The following MIDN variants were observed in gnomAD, a reference collection of about 807,000 sequenced individuals.
MIDN encodes midbrain nucleolar protein.
MIDN carries 26 observed loss-of-function variants against 46.1 expected under a neutral mutation model. The ratio of observed to expected loss-of-function variants is 0.56; its 90% CI spans 0.41 to 0.78. The LOEUF (loss-of-function observed/expected upper bound fraction) is 0.78, where lower values mean the gene tolerates loss of function less well. Among genes scored for constraint, MIDN ranks in the 30% least tolerant of loss-of-function variants. The pLI is 0.00. For missense variants in MIDN, 850 were observed against 771.8 expected (o/e 1.10, Z -1.20); for synonymous variants, 432 against 343.3 (o/e 1.26, Z -2.86).
chr19:1,253,269 C>G (rs979397940), intron 4 of MIDN, among the ~76,000 whole-genome samples: 3 of 151,758 alleles, frequency 2.0e-5, no homozygotes, highest in Non-Finnish European at 4.4e-5. Context: ...GGGGGCTTCA[C>G]CCTGCCCTCC....
intron 3 of MIDN, 80 bp from the exon 4 acceptor site, chr19:1,251,759 C>A: frequency 6.5e-7 from 1 of 1,528,378 alleles, no homozygotes; most frequent in Non-Finnish European, 9.0e-7. Context: ...CCCCGCCAGC[C>A]AGCAGGGCCC....
chr19:1,253,511 C>T (rs1398654797), intron 4 of MIDN, among the ~76,000 whole-genome samples: 1 of 151,574 alleles, frequency 6.6e-6, no homozygotes, highest in African/African-American at 2.4e-5. Flanking sequence ...GAGATTCAAC[C>T]CACACCCACC....
At chr19:1,251,703 C>T (rs1599977258) in intron 3 of MIDN, 54 bp downstream of exon 3, 8 of 1,556,158 alleles carry the variant, frequency 5.1e-6, no homozygotes, top group South Asian at 1.1e-5. Flanking sequence ...CAGGCAGTAG[C>T]CCCTCCCTCG....
chr19:1,253,263 G>T (rs923660079), intron 4 of MIDN, among the ~76,000 whole-genome samples: 2 of 151,786 alleles, frequency 1.3e-5, no homozygotes, highest in African/African-American at 2.4e-5. Flanking sequence ...CAGGGTGGGG[G>T]CTTCACCCTG....
chr19:1,254,447 G>C lies in MIDN; in HGVS notation c.794G>C (p.Arg265Pro), dbSNP rs550865023. Residue 265 changes from arginine (R) to proline (P), a missense_variant, in exon 6 of 9, where the codon CGG (arginine) becomes CCG (proline). By Grantham distance (103) the Arg-to-Pro change is moderately radical. Transcript: ENST00000682408. ...SPSPITAGSF[R>P]SHAASTTCPE... ...TCGCCCATCACAGCCGGCTCCTTCC[G>C]GTCCCACGCAGCCTCCACCACCTGC... 2 of 1,563,404 alleles carry C rather than the reference G, an allele frequency of 1.3e-6. No individual in the cohort carries two copies. Among genetic ancestry groups the C allele is most frequent in the African/African-American group, 2.7e-5 (2 of 74,236 alleles).
Position 1,250,483 on chromosome 19 carries a change from C to A in MIDN, c.187C>A (p.Arg63Ser). ...GGGGCTGCGCAAGCGGTTGTCCCAG[C>A]GCCTCAAAGTGCCCAAGGAGCGCCT... ...VEGLRKRLSQRLKVPKERLAL... is the reference protein window; with the variant it reads ...VEGLRKRLSQSLKVPKERLAL... Residue 63 changes from arginine (R) to serine (S), a missense_variant, in exon 2 of 9, where the codon CGC becomes AGC. Arg to Ser is a moderately radical substitution (Grantham distance 110). Coordinates refer to ENST00000682408, the MANE Select transcript of MIDN (RefSeq NM_001388306.1). 7.3e-7 allele frequency: 1 copy of A among 1,368,222 alleles called. No homozygotes were observed. The highest frequency in any genetic ancestry group is 1.5e-5 in the African/African-American group (1 of 66,218). The allele number at this position is 1,368,222 out of a possible 1,614,324, so 84.8% of individuals were successfully genotyped here.
At chr19:1,254,588 A>G in intron 6 of MIDN, 110 bp downstream of exon 6, 3 of 1,176,448 alleles carry the variant, frequency 2.6e-6, no homozygotes, top group Non-Finnish European at 3.6e-6. Context: ...AGTCCCTTGT[A>G]TTAAGGGCTA....
chr19:1,251,751 C>T, intron 3 of MIDN, 88 bp from the exon 4 acceptor site: 3 of 1,533,070 alleles, frequency 2.0e-6, no homozygotes, highest in Non-Finnish European at 2.7e-6. Flanking sequence ...GGCCCCCACC[C>T]CGCCAGCCAG....
chr19:1,251,070 G>A (rs1405343375), intron 2 of MIDN, among the ~76,000 whole-genome samples: 5 of 151,906 alleles, frequency 3.3e-5, no homozygotes, highest in Admixed American at 6.5e-5. Flanking sequence ...AGGGGCGGAG[G>A]GGGAGGGTCT....
At chr19:1,249,081 C>T (rs951639391) in intron 1 of MIDN, among the ~76,000 whole-genome samples, 3 of 151,546 alleles carry the variant, frequency 2.0e-5, no homozygotes, top group Non-Finnish European at 4.4e-5. Context: ...CGGCAGAGGG[C>T]GCGCCCGAGC....
In MIDN at chr19:1,250,389, G is replaced by C. The variant is rs777300728; in HGVS notation, c.93G>C (p.Met31Ile). 1.5e-5 allele frequency: 19 copies of C among 1,261,686 alleles called. No individual in the cohort carries two copies. Among genetic ancestry groups the C allele is most frequent in the Admixed American group, 5.1e-5 (2 of 39,208 alleles). The allele number at this position is 1,261,686 out of a possible 1,614,324, so 78.2% of individuals were successfully genotyped here. A position where few individuals can be genotyped will look rare whatever the true frequency, so the allele number is the denominator to read the frequency against. ...GCCCGGCGGCCGAGGCGGCGCCCAT[G>C]AGCCTCGCCATCCACAGCACCACGG... ...ELGPAAEAAP[M>I]SLAIHSTTGT... Residue 31 changes from methionine (M) to isoleucine (I), a missense_variant, in exon 2 of 9, where the codon ATG becomes ATC. Coordinates refer to ENST00000682408, the MANE Select transcript of MIDN (RefSeq NM_001388306.1).
chr19:1,251,778 C>G (rs2145487430), intron 3 of MIDN, 61 bp from the exon 4 acceptor site: 2 of 1,567,710 alleles, frequency 1.3e-6, no homozygotes, highest in Non-Finnish European at 1.8e-6. Flanking sequence ...CCTCTCCACC[C>G]CCTATTCCAG....
chr19:1,257,186 G>A lies in MIDN; in HGVS notation c.1450G>A (p.Ala484Thr), dbSNP rs1568798157. 6.2e-7 allele frequency: 1 copy of A among 1,611,938 alleles called. No homozygotes were observed. The highest frequency in any genetic ancestry group is 1.1e-5 in the South Asian group (1 of 91,080). ...CGGGGGCGGCGGCAGCCCCAGCGAG[G>A]CCTCCGGCTTGGGCCTCGACTTCGA... ...SSGGGGSPSE[A>T]SGLGLDFEDS... The change falls in exon 9 of 9, where the codon GCC becomes ACC. Residue 484 changes from alanine to threonine, a missense_variant. Ala to Thr is a moderately conservative substitution (Grantham distance 58). Coordinates refer to ENST00000682408, the MANE Select transcript of MIDN (RefSeq NM_001388306.1).
chr19:1,256,670 T>C (rs112409894), intron 8 of MIDN, among the ~76,000 whole-genome samples: 1,651 of 152,160 alleles, frequency 0.011, 38 homozygotes, highest in African/African-American at 0.038. Flanking sequence ...AACACCACCA[T>C]GCCCAGCTAA....
At chr19:1,253,252 G>T (rs370692046) in intron 4 of MIDN, among the ~76,000 whole-genome samples, 10 of 151,734 alleles carry the variant, frequency 6.6e-5, no homozygotes, top group Admixed American at 6.6e-4. Context: ...AGGCTGGGCC[G>T]CAGGGTGGGG....
intron 3 of MIDN, 76 bp downstream of exon 3, chr19:1,251,725 CA>C: frequency 5.9e-6 from 9 of 1,520,034 alleles, no homozygotes; most frequent in Non-Finnish European, 8.1e-6. Flanking sequence ...TACCTGTCCG[CA>C]CACACACTAC....
At chr19:1,254,547 T>C (rs558669020) in intron 6 of MIDN, 69 bp downstream of exon 6, 1 of 1,485,366 alleles carries the variant, frequency 6.7e-7, no homozygotes, top group African/African-American at 1.4e-5. Flanking sequence ...GGGGAGGTCT[T>C]GGGGAGGACA....
Position 1,251,864 on chromosome 19 carries a change from C to A in MIDN, c.347C>A (p.Ser116Tyr). The change falls in exon 4 of 9, where the codon TCC (serine) becomes TAC (tyrosine). Residue 116 changes from serine to tyrosine, a missense_variant. By Grantham distance (144) the Ser-to-Tyr change is moderately radical. Coordinates refer to ENST00000682408, the MANE Select transcript of MIDN (RefSeq NM_001388306.1). ...LMSQASRPEQ[S>Y]VMQALESLTE... ...TCTCAGGCCTCAAGGCCGGAACAGT[C>A]CGTGATGCAAGCTCTCGAGAGTCTC... 6.2e-7 allele frequency: 1 copy of A among 1,613,574 alleles called. No individual in the cohort carries two copies. Among genetic ancestry groups the A allele is most frequent in the Non-Finnish European group, 8.5e-7 (1 of 1,179,818 alleles).
At position 1,250,258 on chromosome 19, in the gene MIDN, C is replaced by A; in HGVS notation, c.-39C>A. On this transcript the variant is annotated 5_prime_UTR_variant, in exon 2 of 9. Transcript: ENST00000682408. ...GTCCCGGAGGCGCGGCGAGGATTGG[C>A]GGCGCCCGCCGCCCCCAGCCCCCCA... 5 of 880,916 alleles carry A rather than the reference C, an allele frequency of 5.7e-6. No homozygotes were observed. Among genetic ancestry groups the A allele is most frequent in the Non-Finnish European group, 6.8e-6 (5 of 734,996 alleles). 54.6% of individuals were successfully genotyped at this position (880,916 alleles called of 1,614,324 possible).
Sources: gnomAD v4.1 joint callset for allele counts (sites outside exome capture counted in the v4.1 genomes callset) on GRCh38, gnomAD v4.1.1 for gene constraint, MANE v1.5 for transcripts, NCBI Gene and HGNC (gene_info 2026-07-23, HGNC 2026-07-21) for gene names.